PRRC2C: variants seen among roughly 807,000 people sequenced by gnomAD.
PRRC2C encodes the protein proline rich coiled-coil 2C.
In PRRC2C, 72 loss-of-function variants were observed where a neutral mutation model predicts 317.2. The observed-to-expected ratio is 0.23, with a 90% confidence interval of 0.19 to 0.28. PRRC2C has a LOEUF of 0.28. Among genes scored for constraint, PRRC2C ranks in the 10% least tolerant of loss-of-function variants. PRRC2C has a pLI of 1.00. For missense variants in PRRC2C, 3,074 were observed against 3,459.7 expected (o/e 0.89, Z 2.80); for synonymous variants, 1,296 against 1,205.9 (o/e 1.07, Z -1.55).
chr1:171,555,658 G>C (rs1220269301), intron 18 of PRRC2C, among the ~76,000 whole-genome samples: 3 of 152,196 alleles, frequency 2.0e-5, no homozygotes, highest in Non-Finnish European at 4.4e-5. Context: ...TGGTGTGGAT[G>C]TCCTTTTTGT....
At chr1:171,555,925 G>T (rs235480) in intron 18 of PRRC2C, among the ~76,000 whole-genome samples, 122,569 of 152,144 alleles carry the variant, frequency 0.81, 49,506 homozygotes, top group Middle Eastern at 0.9. Flanking sequence ...CTCAAACACC[G>T]TGCTGGGAGA....
chr1:171,537,279 A>C lies in PRRC2C; in HGVS notation c.2310A>C (p.Lys770Asn). The C allele has an allele frequency of 6.3e-7, 1 of 1,594,482 alleles. No homozygotes were observed. Among genetic ancestry groups the C allele is most frequent in the Non-Finnish European group, 8.6e-7 (1 of 1,169,390 alleles). Residue 770 changes from lysine (K) to asparagine (N), a missense_variant, in exon 15 of 35, where the codon AAA becomes AAC. Transcript: ENST00000647382. ...TTGTTACAGGAATGATTCCTCCTAAACCATTAATGAGAAGAGACCAGATGG... is the reference window on the plus strand; with the variant it reads ...TTGTTACAGGAATGATTCCTCCTAACCCATTAATGAGAAGAGACCAGATGG... ...PPIHPGMIPP[K>N]PLMRRDQMEG...
intron 18 of PRRC2C, among the ~76,000 whole-genome samples, chr1:171,556,020 C>G (rs1007164780): frequency 6.6e-6 from 1 of 152,158 alleles, no homozygotes. Context: ...ATGCCCTGCC[C>G]CCAGAGCATA....
chr1:171,560,407 C>A lies in PRRC2C; in HGVS notation c.6032-611C>A, dbSNP rs1682436680. ...GTTGATTAAACAATGGGATTTGACTCCAGTTTTGAAAGAAGTTCTACCATA... is the reference window on the plus strand; with the variant it reads ...GTTGATTAAACAATGGGATTTGACTACAGTTTTGAAAGAAGTTCTACCATA... On this transcript the variant is annotated intron_variant, in intron 19 of 34. Transcript: ENST00000647382. Among the ~76,000 whole-genome samples, 3 of 152,220 alleles carry A rather than the reference C, an allele frequency of 2.0e-5. No homozygotes were observed. The South Asian group carries it at 6.2e-4, about 31-fold the overall frequency.
chr1:171,496,912 C>T (rs1333060952), intron 1 of PRRC2C, among the ~76,000 whole-genome samples: 1 of 152,010 alleles, frequency 6.6e-6, no homozygotes, highest in Non-Finnish European at 1.5e-5. Flanking sequence ...AGCGATCCTC[C>T]TGCTTCAATC....
At chr1:171,501,577 T>A (rs759766635) in intron 1 of PRRC2C, among the ~76,000 whole-genome samples, 89 of 152,244 alleles carry the variant, frequency 5.8e-4, no homozygotes, top group Non-Finnish European at 1.1e-3. Context: ...TTCAGAAGGT[T>A]TTGTTTTTAC....
intron 10 of PRRC2C, among the ~76,000 whole-genome samples, chr1:171,526,022 CT>C (rs1192042976): frequency 1.3e-5 from 2 of 152,010 alleles, no homozygotes; most frequent in African/African-American, 4.8e-5. Flanking sequence ...ATTTTAATAA[CT>C]TTTTTGTGTG....
intron 15 of PRRC2C, 119 bp from the exon 16 acceptor site, chr1:171,539,852 A>C: frequency 2.2e-6 from 2 of 908,392 alleles, no homozygotes; most frequent in Non-Finnish European, 1.7e-6. Context: ...TAGCGAGAGA[A>C]AGATTCTCAT....
At chr1:171,553,521 G>A (rs919752702) in intron 18 of PRRC2C, among the ~76,000 whole-genome samples, 1 of 151,740 alleles carries the variant, frequency 6.6e-6, no homozygotes, top group African/African-American at 2.4e-5. Context: ...TTTTGAATGT[G>A]TTTGCTCTTG....
At chr1:171,567,872 A>G (rs1314561984) in intron 22 of PRRC2C, among the ~76,000 whole-genome samples, 1 of 152,138 alleles carries the variant, frequency 6.6e-6, no homozygotes, top group African/African-American at 2.4e-5. Context: ...CAACTTTACA[A>G]CTATTAGGCT....
chr1:171,579,779 C>G (rs1300617815), intron 27 of PRRC2C, 49 bp from the exon 28 acceptor site: 2 of 1,477,692 alleles, frequency 1.4e-6, no homozygotes, highest in African/African-American at 1.4e-5. Context: ...AATGATTTAT[C>G]TGTATGATGT....
At chr1:171,537,591 A>C (rs771256116) in intron 15 of PRRC2C, 118 bp downstream of exon 15, 58 of 951,378 alleles carry the variant, frequency 6.1e-5, no homozygotes, top group Non-Finnish European at 7.9e-5. Flanking sequence ...GTTTCCTTCT[A>C]TTTAATTTAG....
At chr1:171,542,265 C>T (rs779094104) in intron 16 of PRRC2C, 36 bp downstream of exon 16, 1 of 1,438,666 alleles carries the variant, frequency 7.0e-7, no homozygotes, top group African/African-American at 1.4e-5. Flanking sequence ...TGCTTTTGCA[C>T]CTTTAAAGAA....
At chr1:171,556,446 C>T (rs376488211) in intron 18 of PRRC2C, among the ~76,000 whole-genome samples, 1 of 152,200 alleles carries the variant, frequency 6.6e-6, no homozygotes, top group Admixed American at 6.5e-5. Context: ...TCCAACCAGT[C>T]CCAGTGAGAT....
rs779138924 is a variant in PRRC2C, at chr1:171,540,572, AAAG to A, written c.3110_3112del (p.Glu1037del). The A allele has an allele frequency of 6.8e-6, 11 of 1,613,812 alleles. 1 individual carries two copies. Among genetic ancestry groups the A allele is most frequent in the South Asian group, 5.5e-5 (5 of 91,080 alleles). ...AGAGGAACGGGAACAGAGGAAGGAG[AAAG>A]AAGGAGAAAAGGCCGAAAAGGTCAC... On this transcript the variant is annotated inframe_deletion, in exon 16 of 35. Transcript: ENST00000647382.
intron 23 of PRRC2C, among the ~76,000 whole-genome samples, chr1:171,571,040 G>A (rs1428613315): frequency 6.6e-6 from 1 of 152,136 alleles, no homozygotes; most frequent in Non-Finnish European, 1.5e-5. Context: ...AATATGAGAA[G>A]CACTGCCTTC....
chr1:171,554,096 G>C (rs921729583), intron 18 of PRRC2C, among the ~76,000 whole-genome samples: 1 of 152,114 alleles, frequency 6.6e-6, no homozygotes, highest in Admixed American at 6.5e-5. Flanking sequence ...TATTGTGTGG[G>C]AGTCTAAGTC....
chr1:171,586,957 G>T (rs1650181190), intron 30 of PRRC2C, 46 bp from the exon 31 acceptor site: 1 of 1,389,338 alleles, frequency 7.2e-7, no homozygotes, highest in Non-Finnish European at 1.0e-6. Flanking sequence ...TATGTCTGTA[G>T]TAAACAGAAA....
rs1200826863 is a variant in PRRC2C, at chr1:171,542,049, A to C, written c.4583A>C (p.Lys1528Thr). 2 of 1,613,854 alleles carry C rather than the reference A, an allele frequency of 1.2e-6. No homozygotes were observed. Among genetic ancestry groups the C allele is most frequent in the Admixed American group, 3.3e-5 (2 of 59,996 alleles). The change falls in exon 16 of 35, where the codon AAG becomes ACG. Residue 1528 changes from lysine (K) to threonine (T), a missense_variant. Lys to Thr is a moderately conservative substitution (Grantham distance 78). Around this residue, in one of 11 missense-constraint regions of PRRC2C, gnomAD observed 178 missense variants for 163.0 expected, o/e 1.09. Coordinates refer to ENST00000647382, the MANE Select transcript of PRRC2C (RefSeq NM_001387844.1). ...NADLNAQTVV[K>T]VGENVLPPKR... ...GACTTGAATGCACAAACAGTTGTAA[A>C]GGTTGGAGAGAATGTTCTACCTCCA... is the stretch of plus-strand genomic sequence containing the variant.
Sources: gnomAD v4.1 joint callset for allele counts (sites outside exome capture counted in the v4.1 genomes callset) on GRCh38, gnomAD v4.1.1 for gene constraint, gnomAD v4.1.1 regional missense constraint, MANE v1.5 for transcripts, NCBI Gene and HGNC (gene_info 2026-07-23, HGNC 2026-07-21) for gene names.